LIPG: variants seen among roughly 807,000 people sequenced by gnomAD.
LIPG encodes the protein endothelial lipase.
Under a neutral mutation model 51.8 loss-of-function variants are expected in LIPG, and 34 were observed. The observed-to-expected ratio is 0.66, with a 90% CI of 0.50 to 0.87. LIPG has a LOEUF of 0.87. LIPG is among the 40% of genes least tolerant of loss of function. The pLI, the probability that LIPG is intolerant of heterozygous loss-of-function variation, is 0.00. For synonymous variants in LIPG, 246 were observed against 246.1 expected (o/e 1.00, Z 0.00); for missense variants, 580 against 652.7 (o/e 0.89, Z 1.21).
intron 5 of LIPG, among the ~76,000 whole-genome samples, chr18:49,579,327 TTTC>T (rs766548347): frequency 8.6e-5 from 13 of 150,986 alleles, no homozygotes; most frequent in Non-Finnish European, 1.3e-4. Context: ...ACTTAACATT[TTTC>T]TTCTTCTTCT....
chr18:49,587,685 T>TG (rs1260774196), intron 9 of LIPG, among the ~76,000 whole-genome samples: 2 of 152,046 alleles, frequency 1.3e-5, no homozygotes, highest in Non-Finnish European at 2.9e-5. Flanking sequence ...CTCTTTGTCC[T>TG]GCCTCAACCT....
At chr18:49,583,169 C>G (rs770952698) in intron 7 of LIPG, among the ~76,000 whole-genome samples, 6 of 152,202 alleles carry the variant, frequency 3.9e-5, no homozygotes, top group Non-Finnish European at 7.3e-5. Context: ...ATTTTCAGAG[C>G]ATCATTAACT....
intron 5 of LIPG, among the ~76,000 whole-genome samples, chr18:49,577,099 A>G (rs58095046): frequency 6.8e-6 from 1 of 146,202 alleles, no homozygotes; most frequent in Non-Finnish European, 1.5e-5. Context: ...ACAATAGTGG[A>G]GGGAAGGTCA....
chr18:49,571,119 C>T (rs3786249), intron 4 of LIPG, among the ~76,000 whole-genome samples: 76,379 of 151,970 alleles, frequency 0.5, 19,816 homozygotes, highest in Middle Eastern at 0.63. Context: ...CTGCCCAAAG[C>T]GGGCTATGAT....
chr18:49,565,637 G>A (rs1055200201), intron 2 of LIPG, 139 bp downstream of exon 2: 2 of 979,780 alleles, frequency 2.0e-6, no homozygotes, highest in Non-Finnish European at 3.1e-6. Flanking sequence ...ATTTCAGACA[G>A]CTGTGAAGAA....
rs2084592063 is a variant in LIPG, at chr18:49,565,359, C to A, written c.140C>A (p.Pro47Gln). Reference protein sequence around the residue: ...KPKATQTEVKPSVRFNLRTSK... With the variant: ...KPKATQTEVKQSVRFNLRTSK... ...AAAGCTACACAGACTGAGGTCAAAC[C>A]ATCTGTGAGGTTTAACCTCCGCACC... is the stretch of plus-strand genomic sequence containing the variant. The change falls in exon 2 of 10, where the codon CCA (proline) becomes CAA (glutamine). Residue 47 changes from proline to glutamine, a missense_variant. Transcript: ENST00000261292. 1 of 1,614,168 alleles carries A rather than the reference C, an allele frequency of 6.2e-7. No homozygotes were observed. The highest frequency in any genetic ancestry group is 8.5e-7 in the Non-Finnish European group (1 of 1,180,028).
chr18:49,577,740 G>A (rs1181570157), intron 5 of LIPG, among the ~76,000 whole-genome samples: 4 of 79,244 alleles, frequency 5.0e-5, no homozygotes, highest in East Asian at 2.8e-4. Context: ...TGGCCGGGCG[G>A]GGGGGCTGAC....
At chr18:49,586,911 T>C in intron 9 of LIPG, 61 bp downstream of exon 9, 8 of 1,196,744 alleles carry the variant, frequency 6.7e-6, no homozygotes, top group East Asian at 2.3e-5. Context: ...TCTCCTAGCA[T>C]GTGCTGGGGA....
intron 5 of LIPG, among the ~76,000 whole-genome samples, chr18:49,578,763 G>A (rs2084763122): frequency 6.6e-6 from 1 of 151,180 alleles, no homozygotes; most frequent in South Asian, 2.1e-4. Context: ...GACTCCGTCT[G>A]CAATCCCGGC....
intron 5 of LIPG, among the ~76,000 whole-genome samples, chr18:49,579,226 G>A (rs913859033): frequency 1.7e-5 from 2 of 115,192 alleles, no homozygotes; most frequent in Non-Finnish European, 3.3e-5. Context: ...GAGGGAGAGG[G>A]AGAGGGAGAG....
chr18:49,566,142 G>A (rs1446861321), intron 2 of LIPG, among the ~76,000 whole-genome samples: 1 of 152,048 alleles, frequency 6.6e-6, no homozygotes, highest in Admixed American at 6.6e-5. Flanking sequence ...TTCTGCCTGG[G>A]CTAATTGGAA....
chr18:49,567,773 G>A (rs1409228120), intron 3 of LIPG, 152 bp downstream of exon 3: 3 of 717,922 alleles, frequency 4.2e-6, no homozygotes, highest in Admixed American at 3.1e-5. Flanking sequence ...AGTATTGTTT[G>A]GAATACTTGA....
chr18:49,565,037 T>C lies in LIPG; in HGVS notation c.98-280T>C, dbSNP rs74692098. Among the ~76,000 whole-genome samples, 16 of 152,282 alleles carry C rather than the reference T, an allele frequency of 1.1e-4. No individual in the cohort carries two copies. In the South Asian group the frequency reaches 2.3e-3, roughly 22 times the overall value. On this transcript the variant is annotated intron_variant, in intron 1 of 9. Coordinates refer to ENST00000261292, the MANE Select transcript of LIPG (RefSeq NM_006033.4). ...AGGAAGGAAGTAGAACTCCTTTTGA[T>C]AGGAAAGAAGAGGGAAATGCAAGAG... is the stretch of plus-strand genomic sequence containing the variant.
intron 9 of LIPG, among the ~76,000 whole-genome samples, chr18:49,588,782 T>G (rs1376541318): frequency 6.6e-6 from 1 of 152,178 alleles, no homozygotes. Context: ...ACACGCCCTC[T>G]AAGCCAAAAC....
At chr18:49,574,381 A>G (rs951608353) in intron 4 of LIPG, among the ~76,000 whole-genome samples, 4 of 152,214 alleles carry the variant, frequency 2.6e-5, no homozygotes, top group Non-Finnish European at 5.9e-5. Flanking sequence ...GGGAATAAAT[A>G]TCTATTTCTA....
intron 5 of LIPG, among the ~76,000 whole-genome samples, chr18:49,580,709 G>A (rs767667853): frequency 1.3e-5 from 2 of 152,276 alleles, no homozygotes; most frequent in Admixed American, 6.5e-5. Flanking sequence ...TGAGCCCTGC[G>A]TGAGATGATG....
chr18:49,594,575 A>G lies in LIPG; in HGVS notation c.*4053A>G, dbSNP rs2084971687. The G allele has an allele frequency of 6.6e-6, 1 of 152,264 alleles. No individual in the cohort carries two copies. The highest frequency in any genetic ancestry group is 2.1e-4 in the South Asian group (1 of 4,838). The allele number at this position is 152,264 out of a possible 1,614,324, so 9.4% of individuals were successfully genotyped here. On this transcript the variant is annotated 3_prime_UTR_variant, in exon 10 of 10. Coordinates refer to ENST00000261292, the MANE Select transcript of LIPG (RefSeq NM_006033.4). Reference sequence around the variant, plus strand: ...TTTTTTCTCTGCTAAAGCCAGCGAGATAGACCAGAGTACCCTTTAAATGAT... The same window carrying G: ...TTTTTTCTCTGCTAAAGCCAGCGAGGTAGACCAGAGTACCCTTTAAATGAT...
At position 49,572,558 on chromosome 18, in the gene LIPG, C is replaced by T. The variant is rs184970521; in HGVS notation, c.572-2811C>T. Among the ~76,000 whole-genome samples, 256 of 152,054 alleles carry T rather than the reference C, an allele frequency of 1.7e-3. 1 individual carries two copies. Among genetic ancestry groups the T allele is most frequent in the Non-Finnish European group, 3.4e-3 (231 of 67,966 alleles). ...GCACCTCACTGCTGTGCCATGCTGC[C>T]TCTCTTCTGTGGACAGAGATAAAGT... On this transcript the variant is annotated intron_variant, in intron 4 of 9. Transcript: ENST00000261292.
At chr18:49,582,015 T>C (rs752672145) in intron 6 of LIPG, among the ~76,000 whole-genome samples, 1 of 152,238 alleles carries the variant, frequency 6.6e-6, no homozygotes, top group Non-Finnish European at 1.5e-5. Flanking sequence ...TTTTATAATG[T>C]GCTGTAAAAT....
Sources: allele counts gnomAD v4.1 joint callset (sites outside exome capture counted in the v4.1 genomes callset), GRCh38; gene constraint gnomAD v4.1.1; transcripts MANE v1.5; gene names NCBI Gene and HGNC (gene_info 2026-07-23, HGNC 2026-07-21).